GPLD1: variants seen among roughly 807,000 people sequenced by gnomAD.
GPLD1 encodes the protein phosphatidylinositol-glycan-specific phospholipase D.
In GPLD1, 84 loss-of-function variants were observed where a neutral mutation model predicts 112.6. That is an observed-to-expected ratio of 0.75 (90% CI 0.63 to 0.89). GPLD1 has a LOEUF of 0.89. GPLD1 is among the 40% of genes least tolerant of loss of function. The probability of loss-of-function intolerance (pLI) is 0.00; values close to 1 mark genes in which losing one functional copy is unlikely to be tolerated. For synonymous variants in GPLD1, 386 were observed against 403.8 expected, an observed-to-expected ratio of 0.96 and a Z score of 0.53; for missense variants, 1,044 against 1,051.5, an observed-to-expected ratio of 0.99 and a Z score of 0.10.
intron 2 of GPLD1, among the ~76,000 whole-genome samples, chr6:24,483,985 C>T (rs554434553): frequency 2.6e-5 from 4 of 152,052 alleles, no homozygotes; most frequent in Non-Finnish European, 4.4e-5. Flanking sequence ...GTGCGATCTC[C>T]GCTCCCTGCA....
At chr6:24,479,426 C>T (rs1581784045) in intron 3 of GPLD1, among the ~76,000 whole-genome samples, 1 of 152,216 alleles carries the variant, frequency 6.6e-6, no homozygotes, top group African/African-American at 2.4e-5. Flanking sequence ...ATTTGCATAA[C>T]ACTTGACAAA....
At chr6:24,476,458 G>A (rs78559020) in intron 3 of GPLD1, among the ~76,000 whole-genome samples, 180 bp from the exon 4 acceptor site, 5,626 of 152,120 alleles carry the variant, frequency 0.037, 230 homozygotes, top group African/African-American at 0.094. Flanking sequence ...TGAGATTTTG[G>A]AATACGCGTG....
chr6:24,477,136 C>T (rs1764048187), intron 3 of GPLD1, among the ~76,000 whole-genome samples: 1 of 151,002 alleles, frequency 6.6e-6, no homozygotes, highest in South Asian at 2.1e-4. Flanking sequence ...CAGTAAAACT[C>T]CAGAATTAAA....
chr6:24,427,975 A>G lies in GPLD1; in HGVS notation c.*1057T>C, dbSNP rs1331275114. ...TAAGTTAAAAGAACTTATGAACACA[A>G]AACAACACACACTGGGGTCTACTTG... On this transcript the variant is annotated 3_prime_UTR_variant, in exon 25 of 25. Coordinates refer to ENST00000230036, the MANE Select transcript of GPLD1 (RefSeq NM_001503.4). Among the ~76,000 whole-genome samples the G allele has an allele frequency of 2.6e-5, 4 of 152,194 alleles. No homozygotes were observed. Among genetic ancestry groups the G allele is most frequent in the Non-Finnish European group, 4.4e-5 (3 of 68,040 alleles).
In GPLD1 at chr6:24,466,716, T is replaced by C. The variant is rs1286489956; in HGVS notation, c.785A>G (p.Tyr262Cys). ...DDMAFWSTNI[Y>C]HLTSFMLENG... ...CTCCAACATGAAGCTTGTTAGATGG[T>C]AAATATTAGTGGACCAAAATGCCAT... The change falls in exon 10 of 25, where the codon TAC becomes TGC. Residue 262 changes from tyrosine to cysteine, a missense_variant. By Grantham distance (194) the Tyr-to-Cys change is radical. Transcript: ENST00000230036. The C allele has an allele frequency of 6.2e-7, 1 of 1,612,524 alleles. No homozygotes were observed. Among genetic ancestry groups the C allele is most frequent in the South Asian group, 1.1e-5 (1 of 91,028 alleles).
At chr6:24,474,206 CAT>C (rs59954943) in intron 5 of GPLD1, among the ~76,000 whole-genome samples, 1 of 120,732 alleles carries the variant, frequency 8.3e-6, no homozygotes, top group Non-Finnish European at 2.0e-5. Context: ...CACACACACA[CAT>C]ATATATGCAG....
rs61748579 is a variant in GPLD1, at chr6:24,479,885, T to C, written c.228A>G (p.Lys76=). 0.02 allele frequency: 32,375 copies of C among 1,590,850 alleles called. 429 individuals are homozygous for C. The highest frequency in any genetic ancestry group is 0.036 in the South Asian group (3,289 of 90,602). Residue 76 remains lysine, a synonymous_variant, in exon 3 of 25, where the codon AAA becomes AAG. Coordinates refer to ENST00000230036, the MANE Select transcript of GPLD1 (RefSeq NM_001503.4). The part of the protein sequence containing the change: ...FPDCFYPSIC[K]GGKFHDVSES... ...GTCTGCAAACTTTCATCTTACCTCCTTTGCAGATGCTAGGGTAAAAACAAT... is the reference window on the plus strand; with the variant it reads ...GTCTGCAAACTTTCATCTTACCTCCCTTGCAGATGCTAGGGTAAAAACAAT...
chr6:24,429,085 A>G lies in GPLD1; in HGVS notation c.2470T>C (p.Leu824=). 3 of 1,613,826 alleles carry G rather than the reference A, an allele frequency of 1.9e-6. No homozygotes were observed. The highest frequency in any genetic ancestry group is 3.3e-5 in the Admixed American group (2 of 60,012). The part of the protein sequence containing the change: ...QVVIAAGRSS[L]GARLSGALHV... ...AGTGCCCCGGAGAGTCGGGCTCCCA[A>G]AGAACTCCTTCCAGCAGCAATGACG... The change falls in exon 25 of 25, where the codon TTG becomes CTG. Residue 824 remains leucine, a synonymous_variant. Coordinates refer to ENST00000230036, the MANE Select transcript of GPLD1 (RefSeq NM_001503.4).
chr6:24,454,866 C>A (rs1014300501), intron 13 of GPLD1, among the ~76,000 whole-genome samples: 1 of 152,238 alleles, frequency 6.6e-6, no homozygotes, highest in Non-Finnish European at 1.5e-5. Flanking sequence ...TGGTGGCTCA[C>A]GCCTGTAATC....
intron 3 of GPLD1, among the ~76,000 whole-genome samples, chr6:24,478,481 CCCAGCGTG>C (rs145536414): frequency 0.078 from 11,918 of 152,142 alleles, 1,333 homozygotes; most frequent in African/African-American, 0.25. Context: ...TATACAAGTA[CCCAGCGTG>C]CTGGGGGCCT....
intron 20 of GPLD1, among the ~76,000 whole-genome samples, chr6:24,440,581 CAA>C (rs58480061): frequency 8.4e-6 from 1 of 118,526 alleles, no homozygotes; most frequent in African/African-American, 2.9e-5. Context: ...AAAAAATACT[CAA>C]AAAAAAAAAA....
exon 1 of GPLD1, chr6:24,495,120 G>T: frequency 1.5e-6 from 2 of 1,374,872 alleles, no homozygotes; most frequent in Admixed American, 3.5e-5. Context: ...GCCCGGCCCG[G>T]CCCAGCTCCG....
intron 22 of GPLD1, among the ~76,000 whole-genome samples, chr6:24,434,837 CAAA>C (rs747085341): frequency 4.6e-5 from 3 of 65,452 alleles, no homozygotes; most frequent in Admixed American, 3.2e-4. Flanking sequence ...GACTCCGTCT[CAAA>C]AAAAAAAAAA....
chr6:24,468,682 C>G (rs1248707209), intron 7 of GPLD1, among the ~76,000 whole-genome samples: 1 of 151,946 alleles, frequency 6.6e-6, no homozygotes, highest in Non-Finnish European at 1.5e-5. Context: ...GCCTCCCAAG[C>G]AGCTGAGACT....
At chr6:24,455,620 C>T (rs1763241680) in intron 13 of GPLD1, among the ~76,000 whole-genome samples, 1 of 152,100 alleles carries the variant, frequency 6.6e-6, no homozygotes, top group African/African-American at 2.4e-5. Flanking sequence ...ATAAAACTGT[C>T]ATGGTATACC....
At chr6:24,468,157 C>T (rs1401292352) in intron 7 of GPLD1, among the ~76,000 whole-genome samples, 3 of 152,182 alleles carry the variant, frequency 2.0e-5, no homozygotes, top group Admixed American at 6.5e-5. Flanking sequence ...CCACCTGCCT[C>T]GGCCTCCCAA....
intron 7 of GPLD1, 123 bp downstream of exon 7, chr6:24,472,459 C>T (rs1763856723): frequency 6.7e-6 from 4 of 599,170 alleles, no homozygotes; most frequent in Non-Finnish European, 1.2e-5. Flanking sequence ...TGCAATTTTA[C>T]TTTTCAAAAT....
intron 10 of GPLD1, among the ~76,000 whole-genome samples, chr6:24,464,161 A>G (rs1057034064): frequency 2.0e-5 from 3 of 152,226 alleles, no homozygotes; most frequent in Non-Finnish European, 4.4e-5. Flanking sequence ...TCTAATAATA[A>G]TAGTAACCAA....
intron 3 of GPLD1, among the ~76,000 whole-genome samples, chr6:24,478,598 T>C (rs983744591): frequency 6.6e-6 from 1 of 152,162 alleles, no homozygotes; most frequent in Non-Finnish European, 1.5e-5. Context: ...CTGGCTTTGA[T>C]TGGGTTGGGT....
Sources: gnomAD v4.1 joint callset for allele counts (sites outside exome capture counted in the v4.1 genomes callset) on GRCh38, gnomAD v4.1.1 for gene constraint, MANE v1.5 for transcripts, NCBI Gene and HGNC (gene_info 2026-07-23, HGNC 2026-07-21) for gene names.